The following PPP1R12A variants were observed in gnomAD, a reference collection of about 807,000 sequenced individuals.
PPP1R12A encodes protein phosphatase 1 regulatory subunit 12A.
A neutral mutation model predicts 139.6 loss-of-function variants in PPP1R12A; 19 were observed. The ratio of observed to expected loss-of-function variants is 0.14; its 90% confidence interval spans 0.09 to 0.20. The LOEUF (loss-of-function observed/expected upper bound fraction) is 0.20. Among genes scored for constraint, PPP1R12A ranks in the 10% least tolerant of loss-of-function variants. The probability of loss-of-function intolerance (pLI) is 1.00; values close to 1 mark genes in which losing one functional copy is unlikely to be tolerated. For missense variants in PPP1R12A, 925 were observed against 1,211.5 expected (o/e 0.76, Z 3.51); for synonymous variants, 427 against 420.6 (o/e 1.02, Z -0.19).
At chr12:79,873,238 C>T (rs866333368) in intron 1 of PPP1R12A, among the ~76,000 whole-genome samples, 44 of 152,056 alleles carry the variant, frequency 2.9e-4, no homozygotes, top group Middle Eastern at 3.2e-3. Context: ...ACAATAGTCT[C>T]TATAGCAGTG....
chr12:79,921,222 G>T (rs1887412333), intron 1 of PPP1R12A, among the ~76,000 whole-genome samples: 1 of 151,914 alleles, frequency 6.6e-6, no homozygotes, highest in African/African-American at 2.4e-5. Flanking sequence ...GGAGAAAACA[G>T]AAAAAGACCC....
intron 20 of PPP1R12A, 59 bp downstream of exon 20, chr12:79,790,408 A>G (rs1871694488): frequency 1.7e-6 from 2 of 1,164,904 alleles, no homozygotes; most frequent in Non-Finnish European, 2.4e-6. Context: ...CTAGCAACAC[A>G]TTTTTAACAA....
chr12:79,899,233 AATATATATATATAT>A lies in PPP1R12A; in HGVS notation c.238-26309_238-26296del, dbSNP rs58319454. 2.7e-3 allele frequency among the ~76,000 whole-genome samples: 380 copies of A among 141,892 alleles called. 2 individuals carry two copies. Among genetic ancestry groups the A allele is most frequent in the East Asian group, 0.012 (53 of 4,328 alleles). 93.1% of individuals were successfully genotyped at this position (141,892 alleles called of 152,430 possible). On this transcript the variant is annotated intron_variant, in intron 1 of 24. Transcript: ENST00000450142. ...TACAATGAAATGCAGAGATCTTAAAAATATATATATATATATATATATATATATATATATATATA... is the reference window on the plus strand; with the variant it reads ...TACAATGAAATGCAGAGATCTTAAAAATATATATATATATATATATATATA...
At position 79,845,354 on chromosome 12, in the gene PPP1R12A, A is replaced by C. The variant is rs1429294117; in HGVS notation, c.435T>G (p.Ile145Met). 6.2e-7 allele frequency: 1 copy of C among 1,613,726 alleles called. No homozygotes were observed. Among genetic ancestry groups the C allele is most frequent in the Non-Finnish European group, 8.5e-7 (1 of 1,179,768 alleles). ...VNSEGDTPLD[I>M]AEEEAMEELL... ...GCTCTTCCATTGCCTCCTCCTCCGC[A>C]ATATCTAAAGGTGTATCTCCTTCAC... is the stretch of plus-strand genomic sequence containing the variant. The change falls in exon 3 of 25, where the codon ATT (isoleucine) becomes ATG (methionine). Residue 145 changes from isoleucine to methionine, a missense_variant. This residue lies in a region of PPP1R12A where 199 missense variants were observed against 352.4 expected (regional missense o/e 0.56). Coordinates refer to ENST00000450142, the MANE Select transcript of PPP1R12A (RefSeq NM_002480.3).
chr12:79,902,973 A>T (rs562130021), intron 1 of PPP1R12A, among the ~76,000 whole-genome samples: 4 of 146,798 alleles, frequency 2.7e-5, no homozygotes, highest in Admixed American at 1.4e-4. Context: ...ACAAAAGGTT[A>T]AAAAAAAAAA....
At chr12:79,787,782 A>C (rs1871307420) in intron 21 of PPP1R12A, 2 of 152,296 alleles carry the variant, frequency 1.3e-5, no homozygotes. Flanking sequence ...AAGTGCTGGG[A>C]TTACAGGCGT....
intron 18 of PPP1R12A, among the ~76,000 whole-genome samples, chr12:79,794,891 T>C (rs1391542944): frequency 1.3e-5 from 2 of 152,066 alleles, no homozygotes; most frequent in African/African-American, 4.8e-5. Flanking sequence ...AGTCATATGC[T>C]CTTCAAAAAC....
At chr12:79,853,273 G>T (rs910609532) in intron 2 of PPP1R12A, among the ~76,000 whole-genome samples, 3 of 152,016 alleles carry the variant, frequency 2.0e-5, no homozygotes, top group Middle Eastern at 3.2e-3. Flanking sequence ...CGCTTTCTTT[G>T]TCTGTGGCCA....
intron 3 of PPP1R12A, among the ~76,000 whole-genome samples, chr12:79,833,846 G>GAAAAAAAA (rs371589074): frequency 1.7e-5 from 2 of 116,784 alleles, no homozygotes. Context: ...CAAAGAAAAG[G>GAAAAAAAA]AAAAAAAAAA....
upstream of PPP1R12A, chr12:79,935,110 C>G: frequency 1.5e-6 from 2 of 1,369,714 alleles, no homozygotes; most frequent in Non-Finnish European, 9.4e-7. Context: ...GGCGGCGCAC[C>G]CGGCCGAGCG....
rs544295435 is a variant in PPP1R12A at position 79,876,309 on chromosome 12, G to A, written c.238-3371C>T. On this transcript the variant is annotated intron_variant, in intron 1 of 24. Coordinates refer to ENST00000450142, the MANE Select transcript of PPP1R12A (RefSeq NM_002480.3). ...CCCACTCCCAGAATGAGCGTTTACT[G>A]AGAGCAGGAATTCTGCTGCATCCTC... Among the ~76,000 whole-genome samples the A allele has an allele frequency of 1.9e-4, 29 of 152,286 alleles. No homozygotes were observed. The South Asian group carries it at 5.8e-3, about 30-fold the overall frequency.
chr12:79,872,018 T>G (rs1471167560), intron 2 of PPP1R12A, among the ~76,000 whole-genome samples: 1 of 152,100 alleles, frequency 6.6e-6, no homozygotes, highest in African/African-American at 2.4e-5. Context: ...CACCATACAG[T>G]TTCTGCCTTG....
chr12:79,817,827 GA>G (rs1444017735), intron 8 of PPP1R12A, among the ~76,000 whole-genome samples: 1 of 152,162 alleles, frequency 6.6e-6, no homozygotes, highest in East Asian at 1.9e-4. Context: ...TTTAAAACTT[GA>G]ATGCATGAAT....
chr12:79,854,224 G>C (rs879837470), intron 2 of PPP1R12A, among the ~76,000 whole-genome samples: 47 of 151,978 alleles, frequency 3.1e-4, no homozygotes, highest in Admixed American at 1.1e-3. Flanking sequence ...TGTGTGGCGG[G>C]GGGGCAGGGG....
intron 1 of PPP1R12A, among the ~76,000 whole-genome samples, chr12:79,890,901 CCACCCACA>C (rs913331664): frequency 1.3e-3 from 41 of 30,966 alleles, no homozygotes; most frequent in African/African-American, 6.1e-3. Flanking sequence ...CCACCCACAC[CCACCCACA>C]CACACACACA....
chr12:79,820,793 C>A lies in PPP1R12A; in HGVS notation c.1095G>T (p.Ser365=), dbSNP rs376255196. 4 of 1,612,374 alleles carry A rather than the reference C, an allele frequency of 2.5e-6. No homozygotes were observed. Among genetic ancestry groups the A allele is most frequent in the Non-Finnish European group, 3.4e-6 (4 of 1,179,470 alleles). ...TTTTACCTGTTTCAGCTTCTGATTC[C>A]GAGTCATCTTCCTCATCTTCTTCAC... is the stretch of plus-strand genomic sequence containing the variant. ...CSSEEDEEDD[S]ESEAETDKTK... is the part of the protein sequence containing the mutation. The change falls in exon 8 of 25, where the codon TCG becomes TCT. Residue 365 remains serine, a synonymous_variant. Coordinates refer to ENST00000450142, the MANE Select transcript of PPP1R12A (RefSeq NM_002480.3).
chr12:79,816,987 C>A (rs1359736078), intron 9 of PPP1R12A, among the ~76,000 whole-genome samples: 1 of 151,836 alleles, frequency 6.6e-6, no homozygotes, highest in Non-Finnish European at 1.5e-5. Flanking sequence ...TTGTAATTTA[C>A]CCGTGTGTGA....
At chr12:79,860,088 T>C (rs186297053) in intron 2 of PPP1R12A, among the ~76,000 whole-genome samples, 19 of 152,292 alleles carry the variant, frequency 1.2e-4, no homozygotes, top group Non-Finnish European at 2.5e-4. Context: ...CTAATTTCCC[T>C]CTTAGATTGG....
chr12:79,809,754 C>A, intron 10 of PPP1R12A, 41 bp downstream of exon 10: 3 of 1,479,598 alleles, frequency 2.0e-6, no homozygotes, highest in Middle Eastern at 3.5e-4. Flanking sequence ...GAAAAGAAAT[C>A]ATAACAGTTT....
Sources: gnomAD v4.1 joint callset for allele counts (sites outside exome capture counted in the v4.1 genomes callset) on GRCh38, gnomAD v4.1.1 for gene constraint, gnomAD v4.1.1 regional missense constraint, MANE v1.5 for transcripts, NCBI Gene and HGNC (gene_info 2026-07-23, HGNC 2026-07-21) for gene names.